Variants in PRPF38B observed in about 807,000 individuals in gnomAD.
PRPF38B encodes the protein pre-mRNA processing factor 38B.
A neutral mutation model predicts 67.2 loss-of-function variants in PRPF38B; 18 were observed. The ratio of observed to expected loss-of-function variants is 0.27; its 90% confidence interval spans 0.19 to 0.40. The LOEUF is 0.40. PRPF38B is among the 10% of genes least tolerant of loss of function. The pLI is 1.00. For missense variants in PRPF38B, 544 were observed against 684.9 expected (o/e 0.79, Z 2.30); for synonymous variants, 246 against 234.2 (o/e 1.05, Z -0.46).
rs773654093 is a variant in PRPF38B at position 108,696,267 on chromosome 1, G to A, written c.498-10G>A. Reference sequence around the variant, plus strand: ...CACATGTGTTTAATAATAGTCTTTTGTAATTCTAGATATACACAGCCCCCT... The same window carrying A: ...CACATGTGTTTAATAATAGTCTTTTATAATTCTAGATATACACAGCCCCCT... On this transcript the variant is annotated splice_polypyrimidine_tract_variant and intron_variant, in intron 3 of 5. Transcript: ENST00000370025. The A allele has an allele frequency of 5.0e-6, 8 of 1,612,084 alleles. No individual in the cohort carries two copies. In the South Asian group the frequency reaches 8.8e-5, roughly 18 times the overall value.
chr1:108,697,491 A>G (rs1276198816), intron 4 of PRPF38B: 1 of 71,638 alleles, frequency 1.4e-5, no homozygotes, highest in Non-Finnish European at 2.9e-5. Context: ...ATGCACACCT[A>G]AAAAAAAAAA....
chr1:108,693,748 C>A, intron 1 of PRPF38B: 1 of 548,726 alleles, frequency 1.8e-6, no homozygotes, highest in Non-Finnish European at 2.3e-6. Context: ...TTTGGTCCTT[C>A]ACCAATTAGG....
In PRPF38B at chr1:108,702,690, G is replaced by A. The variant is rs1660631691; in HGVS notation, c.*2670G>A. On this transcript the variant is annotated 3_prime_UTR_variant, in exon 6 of 6. Coordinates refer to ENST00000370025, the MANE Select transcript of PRPF38B (RefSeq NM_018061.4). ...ATTAGGAGAAATACCTAATGTAGAT[G>A]ACAGGTTGATGGGTGCAGCTCACCA... is the stretch of plus-strand genomic sequence containing the variant. Among the ~76,000 whole-genome samples, 2 of 152,112 alleles carry A rather than the reference G, an allele frequency of 1.3e-5. No individual in the cohort carries two copies. Among genetic ancestry groups the A allele is most frequent in the East Asian group, 1.9e-4 (1 of 5,196 alleles).
Position 108,700,285 on chromosome 1 carries a change from T to G in PRPF38B, c.*265T>G. On this transcript the variant is annotated 3_prime_UTR_variant, in exon 6 of 6. Coordinates refer to ENST00000370025, the MANE Select transcript of PRPF38B (RefSeq NM_018061.4). ...TTTTGAAATGTACAGTCTGTACATA[T>G]GTCCTGAAAATGTTTTAATTCCTTT... The G allele has an allele frequency of 2.5e-6, 1 of 406,034 alleles. No individual in the cohort carries two copies. Among genetic ancestry groups the G allele is most frequent in the Non-Finnish European group, 3.9e-6 (1 of 255,230 alleles). 25.2% of individuals were successfully genotyped at this position (406,034 alleles called of 1,614,324 possible).
chr1:108,692,475 G>T lies in PRPF38B; in HGVS notation c.-117G>T. The T allele has an allele frequency of 8.2e-7, 1 of 1,219,470 alleles. No individual in the cohort carries two copies. The highest frequency in any genetic ancestry group is 1.1e-6 in the Non-Finnish European group (1 of 903,330). The allele number at this position is 1,219,470 out of a possible 1,614,324, so 75.5% of individuals were successfully genotyped here. On this transcript the variant is annotated 5_prime_UTR_variant, in exon 1 of 6. Transcript: ENST00000370025. ...TGCCCAGCTGGGGCACAGCGAGGCG[G>T]CCCCTTCTCCCGACGACGTTCGATG... is the stretch of plus-strand genomic sequence containing the variant.
At chr1:108,695,867 C>CA in intron 2 of PRPF38B, 97 bp downstream of exon 2, 16 of 1,418,568 alleles carry the variant, frequency 1.1e-5, no homozygotes, top group Non-Finnish European at 1.5e-5. Flanking sequence ...ACTTGAGTGA[C>CA]AATTTTTTTA....
rs1456270348 is a variant in PRPF38B at position 108,701,963 on chromosome 1, A to G, written c.*1943A>G. Among the ~76,000 whole-genome samples the G allele has an allele frequency of 6.6e-6, 1 of 152,216 alleles. No individual in the cohort carries two copies. Among genetic ancestry groups the G allele is most frequent in the Non-Finnish European group, 1.5e-5 (1 of 68,042 alleles). On this transcript the variant is annotated 3_prime_UTR_variant, in exon 6 of 6. Transcript: ENST00000370025. ...GAAAATCTACTTTTAGCATACCTAAATTATGGAGCTACTACTTTGGATATG... is the reference window on the plus strand; with the variant it reads ...GAAAATCTACTTTTAGCATACCTAAGTTATGGAGCTACTACTTTGGATATG...
chr1:108,695,872 T>G (rs1481147813), intron 2 of PRPF38B, 102 bp downstream of exon 2: 1 of 1,408,472 alleles, frequency 7.1e-7, no homozygotes. Flanking sequence ...AGTGACAATT[T>G]TTTTAATCCA....
In PRPF38B at chr1:108,692,551, C is replaced by CA; in HGVS notation, c.-41_-40insA. On this transcript the variant is annotated 5_prime_UTR_variant, in exon 1 of 6. Transcript: ENST00000370025. ...GAAGAGCGAGATCGAGCTTGGCCCC[C>CA]TCCCCCCCCTCCTTCCCTCCCTCCT... is the stretch of plus-strand genomic sequence containing the variant. The CA allele has an allele frequency of 1.4e-6, 2 of 1,476,956 alleles. No individual in the cohort carries two copies. The highest frequency in any genetic ancestry group is 1.8e-6 in the Non-Finnish European group (2 of 1,104,214). 91.5% of individuals were successfully genotyped at this position (1,476,956 alleles called of 1,614,324 possible).
In PRPF38B at chr1:108,692,377, G is replaced by T. The variant is rs1216766645; in HGVS notation, c.-215G>T. 16 of 577,782 alleles carry T rather than the reference G, an allele frequency of 2.8e-5. No homozygotes were observed. In the East Asian group the frequency reaches 4.8e-4, roughly 17 times the overall value. 35.8% of individuals were successfully genotyped at this position (577,782 alleles called of 1,614,324 possible). On this transcript the variant is annotated 5_prime_UTR_variant, in exon 1 of 6. Transcript: ENST00000370025. ...TGGCTGCCGGCTCGCCTTCTGCGTG[G>T]AGTTCTCGCGGTCTGGGTTTCGCTG...
chr1:108,695,686 T>C lies in PRPF38B; in HGVS notation c.277-16T>C. 6.2e-7 allele frequency: 1 copy of C among 1,613,376 alleles called. No homozygotes were observed. The highest frequency in any genetic ancestry group is 1.1e-5 in the South Asian group (1 of 91,014). ...AAAGTATGAATGTTTGTTGTGTTCC[T>C]CTTTTCTATTTTCAGGTCACGCACG... On this transcript the variant is annotated splice_polypyrimidine_tract_variant and intron_variant, in intron 1 of 5. Coordinates refer to ENST00000370025, the MANE Select transcript of PRPF38B (RefSeq NM_018061.4).
At chr1:108,693,526 TGCTGGGGAGCTCA>T (rs1027395805) in intron 1 of PRPF38B, 14 of 823,080 alleles carry the variant, frequency 1.7e-5, no homozygotes, top group Non-Finnish European at 2.1e-5. Flanking sequence ...GGCTTGGCTG[TGCTGGGGAGCTCA>T]CCTGGCGCCT....
At position 108,699,933 on chromosome 1, in the gene PRPF38B, G is replaced by A; in HGVS notation, c.1554G>A (p.Gln518=). The change falls in exon 6 of 6, where the codon CAG becomes CAA. Residue 518 remains glutamine (Q), a synonymous_variant. Transcript: ENST00000370025. ...HKRDHSDSKD[Q]SDKHDRRRSQ... ...GAGATCACAGTGATAGTAAGGACCAGTCAGACAAACATGATCGTCGAAGGA... is the reference window on the plus strand; with the variant it reads ...GAGATCACAGTGATAGTAAGGACCAATCAGACAAACATGATCGTCGAAGGA... The A allele has an allele frequency of 1.9e-6, 3 of 1,614,102 alleles. No individual in the cohort carries two copies. The highest frequency in any genetic ancestry group is 1.7e-6 in the Non-Finnish European group (2 of 1,180,016).
chr1:108,694,967 GAC>G (rs1208436490), intron 1 of PRPF38B, among the ~76,000 whole-genome samples: 7 of 152,042 alleles, frequency 4.6e-5, no homozygotes, highest in Admixed American at 4.6e-4. Context: ...CTCAGTTTTT[GAC>G]ACAATTTATA....
chr1:108,695,570 C>T (rs1659787958), intron 1 of PRPF38B, 132 bp from the exon 2 acceptor site: 1 of 772,906 alleles, frequency 1.3e-6, no homozygotes, highest in African/African-American at 1.8e-5. Flanking sequence ...CACTTAATAT[C>T]AGTAAACATA....
rs1167966531 is a variant in PRPF38B at position 108,700,026 on chromosome 1, T to C, written c.*6T>C. 8 of 1,572,752 alleles carry C rather than the reference T, an allele frequency of 5.1e-6. No individual in the cohort carries two copies. The highest frequency in any genetic ancestry group is 1.2e-5 in the South Asian group (1 of 84,698). ...ACAAAGATGAGACTGTGTGAAAATA[T>C]TTTGTAAAAGTGGATCACATTGAAT... On this transcript the variant is annotated 3_prime_UTR_variant, in exon 6 of 6. Transcript: ENST00000370025.
chr1:108,701,166 A>G lies in PRPF38B; in HGVS notation c.*1146A>G, dbSNP rs1660455376. 6.6e-6 allele frequency: 1 copy of G among 152,636 alleles called. No homozygotes were observed. The highest frequency in any genetic ancestry group is 1.5e-5 in the Non-Finnish European group (1 of 68,040). 9.5% of individuals were successfully genotyped at this position (152,636 alleles called of 1,614,324 possible). ...CAGAACCATCATGAGTGTGGAATAA[A>G]TACTGGATTAAATCCTTTATCCTGG... is the stretch of plus-strand genomic sequence containing the variant. On this transcript the variant is annotated 3_prime_UTR_variant, in exon 6 of 6. Coordinates refer to ENST00000370025, the MANE Select transcript of PRPF38B (RefSeq NM_018061.4).
rs199622429 is a variant in PRPF38B at position 108,699,147 on chromosome 1, C to G, written c.783-15C>G. On this transcript the variant is annotated splice_polypyrimidine_tract_variant and intron_variant, in intron 5 of 5. Transcript: ENST00000370025. ...TTATTCATTGAAATTTTCTTTCTCC[C>G]TCCGCCTTCCTTAGGTCTCCAAGGA... is the stretch of plus-strand genomic sequence containing the variant. The G allele has an allele frequency of 9.5e-6, 15 of 1,570,994 alleles. No homozygotes were observed. Among genetic ancestry groups the G allele is most frequent in the Non-Finnish European group, 1.3e-5 (15 of 1,163,656 alleles).
rs1218154603 is a variant in PRPF38B, at chr1:108,699,848, A to G, written c.1469A>G (p.His490Arg). The change falls in exon 6 of 6, where the codon CAT (histidine) becomes CGT (arginine). Residue 490 changes from histidine to arginine, a missense_variant. Coordinates refer to ENST00000370025, the MANE Select transcript of PRPF38B (RefSeq NM_018061.4). Reference sequence around the variant, plus strand: ...GTTGAAAAATCAAAAAAACGGGAACATAGTCCCAGCAAAGAAAAATCTAGA... The same window carrying G: ...GTTGAAAAATCAAAAAAACGGGAACGTAGTCCCAGCAAAGAAAAATCTAGA... The part of the protein sequence containing the change: ...DSVEKSKKRE[H>R]SPSKEKSRKR... The G allele has an allele frequency of 6.2e-6, 10 of 1,613,822 alleles. No individual in the cohort carries two copies. Among genetic ancestry groups the G allele is most frequent in the Admixed American group, 5.0e-5 (3 of 59,922 alleles).
Sources: gnomAD v4.1 joint callset for allele counts (sites outside exome capture counted in the v4.1 genomes callset) on GRCh38, gnomAD v4.1.1 for gene constraint, MANE v1.5 for transcripts, NCBI Gene and HGNC (gene_info 2026-07-23, HGNC 2026-07-21) for gene names.